The following TRAPPC9 variants were observed in gnomAD, a reference collection of about 807,000 sequenced individuals.
TRAPPC9 encodes IKK2 binding protein.
TRAPPC9 carries 83 observed loss-of-function variants against 124.0 expected under a neutral mutation model. That is an observed-to-expected ratio of 0.67 (90% CI 0.56 to 0.80). The LOEUF (loss-of-function observed/expected upper bound fraction) is 0.80, where lower values mean the gene tolerates loss of function less well. Among genes scored for constraint, TRAPPC9 ranks in the 30% least tolerant of loss-of-function variants. TRAPPC9 has a pLI of 0.00. For missense variants in TRAPPC9, 1,302 were observed against 1,508.3 expected (o/e 0.86, Z 2.27); for synonymous variants, 638 against 617.5 (o/e 1.03, Z -0.49).
At chr8:140,238,058 C>G (rs551075271) in intron 16 of TRAPPC9, among the ~76,000 whole-genome samples, 1 of 152,300 alleles carries the variant, frequency 6.6e-6, no homozygotes, top group Non-Finnish European at 1.5e-5. Context: ...CAAAAATACT[C>G]TGAAATCCCT....
At chr8:140,007,077 C>A (rs1242279602) in intron 18 of TRAPPC9, among the ~76,000 whole-genome samples, 3 of 152,166 alleles carry the variant, frequency 2.0e-5, no homozygotes, top group African/African-American at 7.2e-5. Context: ...AGGAAGAGAT[C>A]CACCAAACAC....
At chr8:139,781,039 C>T (rs1330014629) in intron 21 of TRAPPC9, among the ~76,000 whole-genome samples, 3 of 152,158 alleles carry the variant, frequency 2.0e-5, no homozygotes, top group Admixed American at 2.0e-4. Flanking sequence ...TGTGCAGCAA[C>T]AGGAACTCAG....
chr8:140,146,927 T>C (rs2061472540), intron 17 of TRAPPC9, among the ~76,000 whole-genome samples: 1 of 150,832 alleles, frequency 6.6e-6, no homozygotes, highest in Non-Finnish European at 1.5e-5. Context: ...AATAACTAAA[T>C]GTGAAAAAGT....
intron 9 of TRAPPC9, among the ~76,000 whole-genome samples, chr8:140,326,212 CCGT>C (rs772009805): frequency 3.1e-4 from 47 of 150,224 alleles, no homozygotes; most frequent in Middle Eastern, 3.4e-3. Context: ...CAGTGAAACC[CCGT>C]CTCTACTAAA....
At chr8:139,873,742 T>C (rs1328462154) in intron 21 of TRAPPC9, among the ~76,000 whole-genome samples, 4 of 152,218 alleles carry the variant, frequency 2.6e-5, no homozygotes, top group African/African-American at 9.6e-5. Context: ...TTCGTTCCAC[T>C]TGGCTTCTGT....
chr8:139,936,143 C>T (rs1833496458), intron 19 of TRAPPC9, among the ~76,000 whole-genome samples: 1 of 152,228 alleles, frequency 6.6e-6, no homozygotes, highest in African/African-American at 2.4e-5. Flanking sequence ...TCCCGGCATC[C>T]CTAACTCCGG....
chr8:140,299,252 T>TG, intron 11 of TRAPPC9, among the ~76,000 whole-genome samples: 1 of 151,784 alleles, frequency 6.6e-6, no homozygotes, highest in African/African-American at 2.4e-5. Flanking sequence ...ACCAGAGTGA[T>TG]GGTGGCAGGA....
chr8:140,349,282 A>AG (rs2067458665), intron 9 of TRAPPC9, among the ~76,000 whole-genome samples: 1 of 52,288 alleles, frequency 1.9e-5, no homozygotes, highest in Admixed American at 1.8e-4. Flanking sequence ...GGGCGCACGA[A>AG]GGAAGGGCAC....
chr8:140,061,289 G>T (rs1180549263), intron 17 of TRAPPC9, among the ~76,000 whole-genome samples: 2 of 49,544 alleles, frequency 4.0e-5, no homozygotes, highest in Admixed American at 2.1e-4. Context: ...CCATTCCCAA[G>T]GCTGCCCGGC....
At chr8:140,456,848 A>G (rs1313913766) in intron 1 of TRAPPC9, 5 of 985,354 alleles carry the variant, frequency 5.1e-6, no homozygotes, top group East Asian at 2.3e-4. Context: ...CTCTATAGAA[A>G]CATTTGAAGA....
At chr8:140,440,936 G>A (rs1052101342) in intron 2 of TRAPPC9, among the ~76,000 whole-genome samples, 1 of 147,552 alleles carries the variant, frequency 6.8e-6, no homozygotes, top group Non-Finnish European at 1.5e-5. Context: ...TGCACTTTGG[G>A]TTAAGTGTCC....
chr8:139,765,515 A>G (rs1293912247), intron 21 of TRAPPC9, among the ~76,000 whole-genome samples: 1 of 152,198 alleles, frequency 6.6e-6, no homozygotes, highest in Non-Finnish European at 1.5e-5. Flanking sequence ...GATGAGGGCA[A>G]GAGGATTAGA....
chr8:140,454,556 C>T, intron 1 of TRAPPC9, among the ~76,000 whole-genome samples: 1 of 146,442 alleles, frequency 6.8e-6, no homozygotes, highest in Middle Eastern at 3.7e-3. Context: ...AGGAGAATCG[C>T]TTGAACCCAG....
At chr8:139,987,508 A>T (rs1837315816) in intron 19 of TRAPPC9, among the ~76,000 whole-genome samples, 1 of 148,298 alleles carries the variant, frequency 6.7e-6, no homozygotes, top group Admixed American at 6.7e-5. Flanking sequence ...TTGCTATTTT[A>T]AAAAACATTT....
At chr8:140,066,823 G>T (rs1446768754) in intron 17 of TRAPPC9, among the ~76,000 whole-genome samples, 1 of 152,202 alleles carries the variant, frequency 6.6e-6, no homozygotes, top group African/African-American at 2.4e-5. Context: ...AGGGAGCAGT[G>T]CCAAGGGGCA....
At chr8:139,890,267 T>C (rs1830253585) in intron 20 of TRAPPC9, among the ~76,000 whole-genome samples, 1 of 152,232 alleles carries the variant, frequency 6.6e-6, no homozygotes, top group South Asian at 2.1e-4. Context: ...GGTCAGGCCC[T>C]ACGGGCATCT....
rs755155049 is a variant in TRAPPC9, at chr8:140,300,629, A to T, written c.1623-15T>A. On this transcript the variant is annotated splice_polypyrimidine_tract_variant and intron_variant, in intron 10 of 22. Coordinates refer to ENST00000438773, the MANE Select transcript of TRAPPC9 (RefSeq NM_001160372.4). ...GTTTCACATGCCTGTTGTTTCAAACAGAACACAAATACTTCAACTGTCTGG... is the reference window on the plus strand; with the variant it reads ...GTTTCACATGCCTGTTGTTTCAAACTGAACACAAATACTTCAACTGTCTGG... 1 of 1,614,114 alleles carries T rather than the reference A, an allele frequency of 6.2e-7. No individual in the cohort carries two copies. Among genetic ancestry groups the T allele is most frequent in the African/African-American group, 1.3e-5 (1 of 74,946 alleles).
chr8:140,090,634 C>T (rs1466719146), intron 17 of TRAPPC9, among the ~76,000 whole-genome samples: 2 of 152,264 alleles, frequency 1.3e-5, no homozygotes, highest in African/African-American at 4.8e-5. Flanking sequence ...AGGCCCTTAG[C>T]ACACTTCATG....
chr8:140,122,963 C>T (rs116779431), intron 17 of TRAPPC9, among the ~76,000 whole-genome samples: 13 of 152,326 alleles, frequency 8.5e-5, no homozygotes, highest in Admixed American at 8.5e-4. Context: ...ATGTGCACAT[C>T]GAAAAGTGCT....
Sources: allele counts gnomAD v4.1 joint callset (sites outside exome capture counted in the v4.1 genomes callset), GRCh38; gene constraint gnomAD v4.1.1; transcripts MANE v1.5; gene names NCBI Gene and HGNC (gene_info 2026-07-23, HGNC 2026-07-21).